The following TMOD2 variants were observed in gnomAD, a reference collection of about 807,000 sequenced individuals.
TMOD2 encodes the protein tropomodulin-2.
TMOD2 carries 22 observed loss-of-function variants against 39.9 expected under a neutral mutation model. The ratio of observed to expected loss-of-function variants is 0.55; its 90% CI spans 0.39 to 0.79. The LOEUF (loss-of-function observed/expected upper bound fraction) is 0.79, where lower values mean the gene tolerates loss of function less well. TMOD2 is among the 30% of genes least tolerant of loss of function. The pLI, the probability that TMOD2 is intolerant of heterozygous loss-of-function variation, is 0.00. For missense variants in TMOD2, 386 were observed against 413.3 expected (o/e 0.93, Z 0.57); for synonymous variants, 123 against 146.1 (o/e 0.84, Z 1.14).
At chr15:51,801,992 A>G (rs2056093847) in intron 8 of TMOD2, among the ~76,000 whole-genome samples, 1 of 151,032 alleles carries the variant, frequency 6.6e-6, no homozygotes, top group African/African-American at 2.4e-5. Context: ...ACATACTTAG[A>G]TAATTTAAGT....
rs2056139055 is a variant in TMOD2, at chr15:51,809,020, AG to A, written c.*567del. The stretch of plus-strand genomic sequence containing the variant: ...CATGCCCTGTTGATTGGAGATCAGT[AG>A]TGTCATCTTCATAAAGCAAGACAAC... On this transcript the variant is annotated 3_prime_UTR_variant, in exon 10 of 10. Transcript: ENST00000249700. The A allele has an allele frequency of 6.6e-6, 1 of 152,628 alleles. No homozygotes were observed. The highest frequency in any genetic ancestry group is 1.5e-5 in the Non-Finnish European group (1 of 68,084). The allele number at this position is 152,628 out of a possible 1,614,324, so 9.5% of individuals were successfully genotyped here.
intron 1 of TMOD2, among the ~76,000 whole-genome samples, chr15:51,760,342 C>A (rs1385621970): frequency 1.3e-5 from 2 of 152,200 alleles, no homozygotes; most frequent in Non-Finnish European, 2.9e-5. Flanking sequence ...CTTGCCCTTC[C>A]CAGCCTCCAG....
chr15:51,795,566 CTTG>C (rs2056043404), intron 7 of TMOD2, among the ~76,000 whole-genome samples: 1 of 27,378 alleles, frequency 3.7e-5, no homozygotes, highest in Admixed American at 4.1e-4. Context: ...TTCTCTTCTG[CTTG>C]CTTGCTTGCT....
chr15:51,773,197 G>T (rs2055864672), intron 3 of TMOD2, among the ~76,000 whole-genome samples: 1 of 152,218 alleles, frequency 6.6e-6, no homozygotes, highest in East Asian at 1.9e-4. Context: ...ATGGGAAGGG[G>T]CTTGTGGAGG....
In TMOD2 at chr15:51,799,887, A is replaced by C. The variant is rs889258344; in HGVS notation, c.876+1547A>C. Among the ~76,000 whole-genome samples, 4 of 152,306 alleles carry C rather than the reference A, an allele frequency of 2.6e-5. No individual in the cohort carries two copies. In the East Asian group the frequency reaches 7.7e-4, roughly 29 times the overall value. On this transcript the variant is annotated intron_variant, in intron 8 of 9. Coordinates refer to ENST00000249700, the MANE Select transcript of TMOD2 (RefSeq NM_014548.4). Reference sequence around the variant, plus strand: ...CACAGAAGTGGATACCCTGTTCCAAAGTATATTTAACTTTGTTTACGGATT... The same window carrying C: ...CACAGAAGTGGATACCCTGTTCCAACGTATATTTAACTTTGTTTACGGATT...
At chr15:51,776,051 G>A (rs781577557) in intron 4 of TMOD2, among the ~76,000 whole-genome samples, 3 of 152,126 alleles carry the variant, frequency 2.0e-5, no homozygotes, top group Non-Finnish European at 4.4e-5. Flanking sequence ...AGTTTAACGT[G>A]GTCAGAGTCA....
intron 1 of TMOD2, among the ~76,000 whole-genome samples, chr15:51,759,449 A>C (rs958071196): frequency 2.6e-5 from 4 of 152,192 alleles, no homozygotes; most frequent in Non-Finnish European, 5.9e-5. Flanking sequence ...CTCCAGAGAG[A>C]ATATGTAGTA....
At chr15:51,804,529 T>C (rs1331541710) in intron 8 of TMOD2, among the ~76,000 whole-genome samples, 3 of 152,144 alleles carry the variant, frequency 2.0e-5, no homozygotes, top group Non-Finnish European at 2.9e-5. Flanking sequence ...TACATTTTAA[T>C]TTGTGTTTTC....
chr15:51,815,910 C>T lies in TMOD2; in HGVS notation c.*7456C>T, dbSNP rs1286347244. On this transcript the variant is annotated 3_prime_UTR_variant, in exon 10 of 10. Coordinates refer to ENST00000249700, the MANE Select transcript of TMOD2 (RefSeq NM_014548.4). ...AATAAAGGAAATAATACTTTGCAAACTGTTTAAACAAGTGTTTAAACTTCT... is the reference window on the plus strand; with the variant it reads ...AATAAAGGAAATAATACTTTGCAAATTGTTTAAACAAGTGTTTAAACTTCT... 1 of 152,192 alleles carries T rather than the reference C, an allele frequency of 6.6e-6. No individual in the cohort carries two copies. Among genetic ancestry groups the T allele is most frequent in the Non-Finnish European group, 1.5e-5 (1 of 68,038 alleles). The allele number at this position is 152,192 out of a possible 1,614,324, so 9.4% of individuals were successfully genotyped here.
chr15:51,777,110 C>T, intron 5 of TMOD2, 92 bp downstream of exon 5: 1 of 1,046,614 alleles, frequency 9.6e-7, no homozygotes, highest in African/African-American at 1.6e-5. Flanking sequence ...GCAGGCTTTA[C>T]ACTCTGTCAT....
At chr15:51,798,082 G>C (rs2056063738) in intron 7 of TMOD2, 115 bp from the exon 8 acceptor site, 2 of 874,814 alleles carry the variant, frequency 2.3e-6, no homozygotes. Flanking sequence ...TTTGATGAAG[G>C]TTTTCTTTAA....
intron 8 of TMOD2, among the ~76,000 whole-genome samples, chr15:51,800,878 A>G (rs778741914): frequency 6.6e-6 from 1 of 151,932 alleles, no homozygotes; most frequent in African/African-American, 2.4e-5. Context: ...GCTAATTTTT[A>G]AATTTTTGTA....
chr15:51,766,737 C>T (rs2055818829), intron 2 of TMOD2, 170 bp downstream of exon 2: 1 of 620,568 alleles, frequency 1.6e-6, no homozygotes, highest in Non-Finnish European at 2.7e-6. Flanking sequence ...AACCTCATAG[C>T]CACTACAGTG....
rs2055922261 is a variant in TMOD2 at position 51,780,486 on chromosome 15, G to A, written c.494-558G>A. On this transcript the variant is annotated intron_variant, in intron 5 of 9. Coordinates refer to ENST00000249700, the MANE Select transcript of TMOD2 (RefSeq NM_014548.4). Reference sequence around the variant, plus strand: ...CACCTTATTGATTTGTAGGAGCTCTGTGTATATTGGGATATTAATCCTTTG... The same window carrying A: ...CACCTTATTGATTTGTAGGAGCTCTATGTATATTGGGATATTAATCCTTTG... Among the ~76,000 whole-genome samples the A allele has an allele frequency of 2.0e-5, 3 of 152,146 alleles. No homozygotes were observed. In the South Asian group the frequency reaches 6.2e-4, roughly 32 times the overall value.
At chr15:51,785,181 G>T (rs534791093) in intron 7 of TMOD2, among the ~76,000 whole-genome samples, 1 of 152,202 alleles carries the variant, frequency 6.6e-6, no homozygotes, top group Non-Finnish European at 1.5e-5. Context: ...GGGAGGCCGA[G>T]GCGGGTGGAT....
intron 7 of TMOD2, among the ~76,000 whole-genome samples, chr15:51,792,951 G>T (rs142135418): frequency 1.3e-3 from 201 of 152,196 alleles, no homozygotes; most frequent in African/African-American, 4.7e-3. Flanking sequence ...ACCATGGCAC[G>T]TGTATACCTA....
chr15:51,771,480 A>G (rs2055853384), intron 3 of TMOD2, among the ~76,000 whole-genome samples: 2 of 152,202 alleles, frequency 1.3e-5, no homozygotes, highest in African/African-American at 4.8e-5. Context: ...ATAGTTGTGT[A>G]CTTCGTGTTT....
rs1283103085 is a variant in TMOD2, at chr15:51,798,308, G to A, written c.844G>A (p.Asp282Asn). The stretch of plus-strand genomic sequence containing the variant: ...CCTGGTAGAGGCACTGAAAGAAAAT[G>A]ACACCTTGACAGAAATCAAGATTGA... ...LALVEALKEN[D>N]TLTEIKIDNQ... The change falls in exon 8 of 10, where the codon GAC (aspartate) becomes AAC (asparagine). Residue 282 changes from aspartate (D) to asparagine (N), a missense_variant. Transcript: ENST00000249700. 1 of 1,613,552 alleles carries A rather than the reference G, an allele frequency of 6.2e-7. No individual in the cohort carries two copies. The highest frequency in any genetic ancestry group is 8.5e-7 in the Non-Finnish European group (1 of 1,179,894).
chr15:51,793,208 A>G (rs1159460472), intron 7 of TMOD2, among the ~76,000 whole-genome samples: 2 of 152,234 alleles, frequency 1.3e-5, no homozygotes, highest in Non-Finnish European at 2.9e-5. Flanking sequence ...ACATAGCCTC[A>G]TCATAAGTCA....
Sources: allele counts gnomAD v4.1 joint callset (sites outside exome capture counted in the v4.1 genomes callset), GRCh38; gene constraint gnomAD v4.1.1; transcripts MANE v1.5; gene names NCBI Gene and HGNC (gene_info 2026-07-23, HGNC 2026-07-21).